TTC17: variants seen among roughly 807,000 people sequenced by gnomAD.
TTC17 encodes the protein tetratricopeptide repeat protein 17.
In TTC17, 58 loss-of-function variants were observed where a neutral mutation model predicts 143.8. The ratio of observed to expected loss-of-function variants is 0.40; its 90% CI spans 0.33 to 0.50. TTC17 has a LOEUF of 0.50. Among genes scored for constraint, TTC17 ranks in the 20% least tolerant of loss-of-function variants. The probability of loss-of-function intolerance (pLI) is 0.49; values close to 1 mark genes in which losing one functional copy is unlikely to be tolerated. For synonymous variants in TTC17, 501 were observed against 497.8 expected, an observed-to-expected ratio of 1.01 and a Z score of -0.09; for missense variants, 1,273 against 1,392.5, an observed-to-expected ratio of 0.91 and a Z score of 1.37.
chr11:43,447,398 C>T (rs1259165211), intron 18 of TTC17, among the ~76,000 whole-genome samples: 1 of 152,100 alleles, frequency 6.6e-6, no homozygotes. Context: ...CTTTCATTAA[C>T]ATCATTACTC....
chr11:43,407,164 T>C lies in TTC17; in HGVS notation c.1788T>C (p.Tyr596=). 1.3e-6 allele frequency: 2 copies of C among 1,597,914 alleles called. No individual in the cohort carries two copies. Among genetic ancestry groups the C allele is most frequent in the Non-Finnish European group, 1.7e-6 (2 of 1,174,894 alleles). The change falls in exon 14 of 24, where the codon TAT becomes TAC. Residue 596 remains tyrosine (Y), a synonymous_variant. Transcript: ENST00000039989. Reference sequence around the variant, plus strand: ...TTTTGCTTTCCCGTATTAATAACTATACTATCCCAGAAGAAGAAATTGGGT... The same window carrying C: ...TTTTGCTTTCCCGTATTAATAACTACACTATCCCAGAAGAAGAAATTGGGT... ...RKILLSRINN[Y]TIPEEEIGSF... is the part of the protein sequence containing the mutation.
rs749620707 is a variant in TTC17 at position 43,379,491 on chromosome 11, A to G, written c.249+169A>G. On this transcript the variant is annotated intron_variant, in intron 2 of 23. Transcript: ENST00000039989. Reference sequence around the variant, plus strand: ...GTGTGTGTGTGTGTGTTTTTTCTTTATCATTTTATCAAAGTGATATTTGAG... The same window carrying G: ...GTGTGTGTGTGTGTGTTTTTTCTTTGTCATTTTATCAAAGTGATATTTGAG... Among the ~76,000 whole-genome samples, 5 of 151,504 alleles carry G rather than the reference A, an allele frequency of 3.3e-5. No individual in the cohort carries two copies. The East Asian group carries it at 9.6e-4, about 29-fold the overall frequency.
At chr11:43,468,885 A>C (rs961967888) in intron 21 of TTC17, among the ~76,000 whole-genome samples, 6 of 152,214 alleles carry the variant, frequency 3.9e-5, no homozygotes, top group African/African-American at 1.4e-4. Context: ...TGATTGTGCC[A>C]CTGCACTCCA....
chr11:43,442,692 C>G (rs1188411816), intron 16 of TTC17, among the ~76,000 whole-genome samples: 1 of 152,120 alleles, frequency 6.6e-6, no homozygotes, highest in Non-Finnish European at 1.5e-5. Flanking sequence ...AGAATTTTTG[C>G]TAGGCCATTA....
intron 9 of TTC17, 82 bp from the exon 10 acceptor site, chr11:43,401,364 T>TA: frequency 1.1e-6 from 1 of 899,906 alleles, no homozygotes; most frequent in Non-Finnish European, 1.8e-6. Context: ...ACAGGGTTGA[T>TA]ACTAAATGAC....
chr11:43,389,632 T>G lies in TTC17; in HGVS notation c.250-20T>G. 6.3e-7 allele frequency: 1 copy of G among 1,596,116 alleles called. No homozygotes were observed. The highest frequency in any genetic ancestry group is 8.5e-7 in the Non-Finnish European group (1 of 1,173,110). ...AAAATATTAGAAGAATCCATTCTGT[T>G]CTTACTTTCTTCTCAACAGAAACAA... On this transcript the variant is annotated intron_variant, in intron 2 of 23. Coordinates refer to ENST00000039989, the MANE Select transcript of TTC17 (RefSeq NM_018259.6).
chr11:43,384,391 C>A (rs996154417), intron 2 of TTC17, among the ~76,000 whole-genome samples: 16 of 152,320 alleles, frequency 1.1e-4, no homozygotes, highest in Middle Eastern at 6.8e-3. Flanking sequence ...CACAGTGGCT[C>A]ACGCCTGTAA....
At chr11:43,380,606 A>G (rs1368955081) in intron 2 of TTC17, among the ~76,000 whole-genome samples, 1 of 152,224 alleles carries the variant, frequency 6.6e-6, no homozygotes, top group Non-Finnish European at 1.5e-5. Flanking sequence ...CTTGTTATGT[A>G]AAAGTCCCGA....
intron 10 of TTC17, among the ~76,000 whole-genome samples, chr11:43,402,955 A>C (rs1464723181): frequency 1.3e-5 from 2 of 152,194 alleles, no homozygotes; most frequent in Non-Finnish European, 2.9e-5. Context: ...CATTGGGAAA[A>C]AATAAGAGAC....
chr11:43,464,189 A>G (rs1198586577), intron 21 of TTC17, among the ~76,000 whole-genome samples: 4 of 152,140 alleles, frequency 2.6e-5, no homozygotes. Flanking sequence ...GTGGGGCAGA[A>G]GAATCGCTTG....
At chr11:43,452,100 G>A (rs145995048) in intron 21 of TTC17, among the ~76,000 whole-genome samples, 1 of 152,316 alleles carries the variant, frequency 6.6e-6, no homozygotes, top group East Asian at 1.9e-4. Flanking sequence ...AGCAATTTCA[G>A]AAAACGTCAG....
chr11:43,475,641 C>G (rs1948171201), intron 21 of TTC17, among the ~76,000 whole-genome samples: 1 of 152,156 alleles, frequency 6.6e-6, no homozygotes, highest in African/African-American at 2.4e-5. Context: ...TCAGATATTT[C>G]TGGATTTTTG....
intron 21 of TTC17, among the ~76,000 whole-genome samples, chr11:43,461,702 C>G (rs921522464): frequency 6.6e-6 from 1 of 151,834 alleles, no homozygotes; most frequent in Non-Finnish European, 1.5e-5. Context: ...AATGGTACAC[C>G]CTGAGGAGTT....
At chr11:43,391,437 T>C (rs760662935) in intron 3 of TTC17, 28 bp from the exon 4 acceptor site, 1 of 1,321,528 alleles carries the variant, frequency 7.6e-7, no homozygotes, top group Admixed American at 1.9e-5. Context: ...TCACCTTTTA[T>C]TCATTCATTG....
chr11:43,448,106 T>C lies in TTC17; in HGVS notation c.2770T>C (p.Ser924Pro), dbSNP rs1351035784. The change falls in exon 19 of 24, where the codon TCT (serine) becomes CCT (proline). Residue 924 changes from serine (S) to proline (P), a missense_variant. Around this residue, in one of 3 missense-constraint regions of TTC17, gnomAD observed 878 missense variants for 899.8 expected, o/e 0.98. Transcript: ENST00000039989. ...CATCGTGAGTACCTGGCTTGCAGTT[T>C]CTTCAAAAAACATTGAGTAAGTATG... Reference protein sequence around the residue: ...TAIVSTWLAVSSKNIDITEHI... With the variant: ...TAIVSTWLAVPSKNIDITEHI... 2 of 1,614,096 alleles carry C rather than the reference T, an allele frequency of 1.2e-6. No individual in the cohort carries two copies. The highest frequency in any genetic ancestry group is 2.2e-5 in the East Asian group (1 of 44,884).
chr11:43,412,398 G>A (rs1858456979), intron 15 of TTC17, among the ~76,000 whole-genome samples: 1 of 152,132 alleles, frequency 6.6e-6, no homozygotes, highest in Non-Finnish European at 1.5e-5. Context: ...TGAGGTGGGA[G>A]GATCTCTTGA....
At chr11:43,465,686 G>A (rs886882030) in intron 21 of TTC17, among the ~76,000 whole-genome samples, 9 of 152,140 alleles carry the variant, frequency 5.9e-5, no homozygotes, top group Admixed American at 3.3e-4. Flanking sequence ...ATTCAATGGG[G>A]AAAAGATGGT....
chr11:43,493,706 AGAG>A, intron 23 of TTC17, 64 bp from the exon 24 acceptor site: 1 of 1,609,726 alleles, frequency 6.2e-7, no homozygotes, highest in Non-Finnish European at 8.5e-7. Context: ...TTGAGAAAAA[AGAG>A]GTCACAGTAT....
chr11:43,484,131 G>A (rs930071036), intron 21 of TTC17, among the ~76,000 whole-genome samples: 2 of 152,092 alleles, frequency 1.3e-5, no homozygotes, highest in Non-Finnish European at 2.9e-5. Flanking sequence ...GAGAGAGCGA[G>A]ACTCCATCTC....
Sources: gnomAD v4.1 joint callset for allele counts (sites outside exome capture counted in the v4.1 genomes callset) on GRCh38, gnomAD v4.1.1 for gene constraint, gnomAD v4.1.1 regional missense constraint, MANE v1.5 for transcripts, NCBI Gene and HGNC (gene_info 2026-07-23, HGNC 2026-07-21) for gene names.